SATB2: variants seen among roughly 807,000 people sequenced by gnomAD.
The protein encoded by SATB2 is DNA-binding protein SATB2.
In SATB2, 1 loss-of-function variant was observed where a neutral mutation model predicts 73.4. The ratio of observed to expected loss-of-function variants is 0.01; its 90% confidence interval spans 0.00 to 0.06. SATB2 has a LOEUF of 0.06. Ranked by LOEUF, SATB2 falls within the 10% of genes least tolerant of loss-of-function variation. SATB2 has a pLI of 1.00. For synonymous variants in SATB2, 397 were observed against 367.0 expected (o/e 1.08, Z -0.93); for missense variants, 459 against 945.8 (o/e 0.49, Z 6.75).
chr2:199,307,975 T>C (rs946280519), intron 10 of SATB2, among the ~76,000 whole-genome samples: 7 of 152,172 alleles, frequency 4.6e-5, no homozygotes, highest in African/African-American at 7.2e-5. Flanking sequence ...GCAGCTGAAA[T>C]TGAGAGTATT....
rs537251416 is a variant in SATB2 at position 199,422,135 on chromosome 2, T to A, written c.346+11203A>T. On this transcript the variant is annotated intron_variant, in intron 3 of 10. Transcript: ENST00000417098. ...AGACTATGGAAGTTATACATTATAA[T>A]GTTAAGTAAGAACTAGAAGTGAAAA... 2.2e-4 allele frequency among the ~76,000 whole-genome samples: 33 copies of A among 152,224 alleles called. No homozygotes were observed. In the East Asian group the frequency reaches 4.8e-3, roughly 22 times the overall value.
At chr2:199,281,073 G>C (rs1692474097) in intron 10 of SATB2, among the ~76,000 whole-genome samples, 1 of 151,978 alleles carries the variant, frequency 6.6e-6, no homozygotes, top group Admixed American at 6.6e-5. Flanking sequence ...CCGACACTTA[G>C]GGAAAATAGA....
chr2:199,434,549 G>A (rs1052972142), intron 2 of SATB2, among the ~76,000 whole-genome samples: 4 of 152,102 alleles, frequency 2.6e-5, no homozygotes, highest in Non-Finnish European at 5.9e-5. Context: ...CATGGACCCT[G>A]CCTAATGTAA....
chr2:199,466,903 A>G (rs1249849468), upstream of SATB2, among the ~76,000 whole-genome samples: 1 of 152,254 alleles, frequency 6.6e-6, no homozygotes, highest in Non-Finnish European at 1.5e-5. Flanking sequence ...TACAAGAACA[A>G]GAAGTGATTT....
intron 3 of SATB2, chr2:199,396,702 C>G (rs1351329583): frequency 6.6e-6 from 1 of 152,140 alleles, no homozygotes; most frequent in African/African-American, 2.4e-5. Context: ...GTGAAAATAT[C>G]ACTTTTGTTG....
upstream of SATB2, among the ~76,000 whole-genome samples, chr2:199,461,093 G>C (rs868696710): frequency 2.6e-5 from 4 of 152,198 alleles, no homozygotes; most frequent in African/African-American, 9.7e-5. Context: ...ATTATGACCA[G>C]AAATGTATTT....
intron 7 of SATB2, among the ~76,000 whole-genome samples, chr2:199,344,779 A>T (rs1364909704): frequency 6.6e-6 from 1 of 151,982 alleles, no homozygotes; most frequent in Non-Finnish European, 1.5e-5. Flanking sequence ...CAAACTGTCC[A>T]CCCACTTTGG....
At chr2:199,301,796 GAC>G (rs1687296930) in intron 10 of SATB2, among the ~76,000 whole-genome samples, 1 of 152,152 alleles carries the variant, frequency 6.6e-6, no homozygotes, top group Non-Finnish European at 1.5e-5. Context: ...TTACAAGGTA[GAC>G]AGAGATACAC....
intron 2 of SATB2, among the ~76,000 whole-genome samples, chr2:199,439,991 G>A (rs1385627796): frequency 6.6e-6 from 1 of 152,106 alleles, no homozygotes; most frequent in Admixed American, 6.6e-5. Flanking sequence ...TGTAATCCCA[G>A]CTACTTGGGA....
intron 10 of SATB2, among the ~76,000 whole-genome samples, chr2:199,297,745 A>C (rs1022774423): frequency 6.6e-6 from 1 of 152,148 alleles, no homozygotes; most frequent in African/African-American, 2.4e-5. Context: ...CAAGGACAGC[A>C]GAAGTCTCAG....
intron 9 of SATB2, among the ~76,000 whole-genome samples, chr2:199,311,795 C>A (rs1687602503): frequency 6.6e-6 from 1 of 152,170 alleles, no homozygotes. Flanking sequence ...CATGCACCAT[C>A]ATTTTATTCA....
intron 5 of SATB2, 85 bp from the exon 6 acceptor site, chr2:199,368,792 A>C (rs1440636875): frequency 1.4e-6 from 1 of 737,114 alleles, no homozygotes; most frequent in Admixed American, 2.2e-5. Context: ...ACCTGCACTA[A>C]CCTCTTTTTT....
intron 2 of SATB2, among the ~76,000 whole-genome samples, chr2:199,450,627 T>C (rs537517357): frequency 7.9e-5 from 12 of 152,100 alleles, no homozygotes; most frequent in Non-Finnish European, 1.5e-4. Flanking sequence ...CTTTAAAAGA[T>C]AAGTATAACC....
upstream of SATB2, among the ~76,000 whole-genome samples, chr2:199,459,232 C>T (rs1293593106): frequency 6.6e-6 from 1 of 152,000 alleles, no homozygotes; most frequent in Non-Finnish European, 1.5e-5. The surrounding 1 kb of genome is among the most constrained non-coding windows in gnomAD (Gnocchi z 4.2). Context: ...CCTGAGGACC[C>T]GGCCTCCCCG....
chr2:199,420,161 C>G (rs970123227), intron 3 of SATB2, among the ~76,000 whole-genome samples: 1 of 152,164 alleles, frequency 6.6e-6, no homozygotes, highest in Non-Finnish European at 1.5e-5. Context: ...GGGTATGTCA[C>G]TTAGCCCATC....
rs183237565 is a variant in SATB2, at chr2:199,463,161, C to A, written c.-141+1675G>T. ...CACCACCCTACCACACCAGGCAACG[C>A]CCCCCGGGGCGCCCTTCATTCTTTT... On this transcript the variant is annotated intron_variant, in intron 1 of 11. Transcript: ENST00000260926. This position sits in a 1 kb window ranked among gnomAD's most constrained non-coding sequence, Gnocchi z 6.4. Among the ~76,000 whole-genome samples the A allele has an allele frequency of 1.3e-5, 2 of 151,624 alleles. No individual in the cohort carries two copies. Among genetic ancestry groups the A allele is most frequent in the African/African-American group, 4.8e-5 (2 of 41,434 alleles).
chr2:199,303,783 C>A (rs895313529), intron 10 of SATB2, among the ~76,000 whole-genome samples: 3 of 152,056 alleles, frequency 2.0e-5, no homozygotes, highest in African/African-American at 7.2e-5. Context: ...TGAGAAGCAA[C>A]CCAGACAAGT....
At chr2:199,395,366 G>C (rs555439877) in intron 3 of SATB2, among the ~76,000 whole-genome samples, 42 of 152,260 alleles carry the variant, frequency 2.8e-4, no homozygotes, top group Non-Finnish European at 5.1e-4. Flanking sequence ...GAAATAAAGG[G>C]CAAGTCATTA....
intron 2 of SATB2, among the ~76,000 whole-genome samples, chr2:199,445,930 A>C (rs1295448843): frequency 6.6e-6 from 1 of 152,176 alleles, no homozygotes; most frequent in Non-Finnish European, 1.5e-5. Context: ...AGGTTTCTTT[A>C]GTGCTTTCTA....
Sources: allele counts gnomAD v4.1 joint callset (sites outside exome capture counted in the v4.1 genomes callset), GRCh38; gene constraint gnomAD v4.1.1; non-coding constraint Gnocchi (gnomAD v3.1); transcripts MANE v1.5; gene names NCBI Gene and HGNC (gene_info 2026-07-23, HGNC 2026-07-21).